Variants in MYH9 observed in about 807,000 individuals in gnomAD.
MYH9 encodes the protein myosin-9.
MYH9 carries 29 observed loss-of-function variants against 241.9 expected under a neutral mutation model. The ratio of observed to expected loss-of-function variants is 0.12; its 90% confidence interval spans 0.09 to 0.16. The LOEUF is 0.16. MYH9 is among the 10% of genes least tolerant of loss of function. The pLI, the probability that MYH9 is intolerant of heterozygous loss-of-function variation, is 1.00. For synonymous variants in MYH9, 1,047 were observed against 1,062.6 expected (o/e 0.99, Z 0.29); for missense variants, 1,803 against 2,595.5 (o/e 0.69, Z 6.63).
intron 2 of MYH9, among the ~76,000 whole-genome samples, chr22:36,343,726 C>T (rs890729166): frequency 2.0e-5 from 3 of 152,102 alleles, no homozygotes; most frequent in African/African-American, 7.2e-5. Context: ...AGTGTAAACA[C>T]GGTATTGGCA....
chr22:36,296,742 A>G, intron 25 of MYH9, 101 bp downstream of exon 25: 1 of 1,338,542 alleles, frequency 7.5e-7, no homozygotes, highest in Non-Finnish European at 9.9e-7. Flanking sequence ...AACAGTGGAA[A>G]GAATGCTCAC....
At chr22:36,319,783 G>A in intron 9 of MYH9, 148 bp from the exon 10 acceptor site, 1 of 811,416 alleles carries the variant, frequency 1.2e-6, no homozygotes, top group South Asian at 1.4e-5. Context: ...CGCCAGGTCT[G>A]CGTCTAACGG....
Position 36,288,273 on chromosome 22 carries a change from G to C in MYH9, c.4911C>G (p.Ile1637Met), listed in dbSNP as rs753280815. The C allele has an allele frequency of 1.9e-6, 3 of 1,613,650 alleles. No individual in the cohort carries two copies. Among genetic ancestry groups the C allele is most frequent in the East Asian group, 2.2e-5 (1 of 44,880 alleles). ...TTACCTGCAGCTTCCGCAGCTGTTT[G>C]ATGGCTTCGTCCCGGTTCTTGTTGG... ...DSANKNRDEA[I>M]KQLRKLQAQM... The change falls in exon 34 of 41, where the codon ATC becomes ATG. Residue 1637 changes from isoleucine to methionine, a missense_variant. Transcript: ENST00000216181. This position sits in a 1 kb window ranked among gnomAD's most constrained non-coding sequence, Gnocchi z 4.8.
At chr22:36,299,169 A>T in intron 23 of MYH9, 127 bp from the exon 24 acceptor site, 2 of 1,305,428 alleles carry the variant, frequency 1.5e-6, no homozygotes, top group Non-Finnish European at 2.2e-6. Flanking sequence ...GATCAAGTTC[A>T]TTAGGATTTT....
chr22:36,386,344 C>T (rs2018350427), intron 1 of MYH9, among the ~76,000 whole-genome samples: 1 of 152,162 alleles, frequency 6.6e-6, no homozygotes, highest in South Asian at 2.1e-4. Context: ...GTCCCCTTCC[C>T]CCACACATAG....
At chr22:36,311,025 G>A (rs763618872) in intron 14 of MYH9, among the ~76,000 whole-genome samples, 24 of 152,136 alleles carry the variant, frequency 1.6e-4, no homozygotes, top group African/African-American at 2.2e-4. Context: ...GCTAGAACCG[G>A]GCCTGGACTC....
chr22:36,326,754 T>C, intron 4 of MYH9, 93 bp from the exon 5 acceptor site: 1 of 1,113,722 alleles, frequency 9.0e-7, no homozygotes, highest in Non-Finnish European at 1.4e-6. Flanking sequence ...CCTCGCATTC[T>C]GTTGGGTGCC....
chr22:36,314,345 G>A, intron 12 of MYH9, 27 bp from the exon 13 acceptor site: 1 of 1,613,338 alleles, frequency 6.2e-7, no homozygotes, highest in Non-Finnish European at 8.5e-7. Flanking sequence ...CAATGTCAGA[G>A]AGACGCCAAC....
At chr22:36,342,287 A>C (rs1326939027) in intron 2 of MYH9, among the ~76,000 whole-genome samples, 1 of 152,192 alleles carries the variant, frequency 6.6e-6, no homozygotes, top group African/African-American at 2.4e-5. Flanking sequence ...CCTGAGTTCA[A>C]ATCTCAGCAA....
chr22:36,299,864 T>G (rs112449254), intron 23 of MYH9, among the ~76,000 whole-genome samples: 4 of 152,212 alleles, frequency 2.6e-5, no homozygotes, highest in African/African-American at 9.6e-5. Flanking sequence ...TTACACAGGC[T>G]CGGGTCTCAC....
chr22:36,322,893 AG>A (rs2017278032), intron 5 of MYH9, among the ~76,000 whole-genome samples: 2 of 152,202 alleles, frequency 1.3e-5, no homozygotes, highest in Non-Finnish European at 2.9e-5. Context: ...TGTATACACC[AG>A]CTTCCCTCTA....
At chr22:36,368,024 T>G (rs1442342747) in intron 1 of MYH9, among the ~76,000 whole-genome samples, 1 of 152,050 alleles carries the variant, frequency 6.6e-6, no homozygotes, top group Non-Finnish European at 1.5e-5. Context: ...CACACATGCC[T>G]GCATACAGAC....
intron 3 of MYH9, among the ~76,000 whole-genome samples, chr22:36,337,316 A>G (rs2017514837): frequency 6.6e-6 from 1 of 152,250 alleles, no homozygotes; most frequent in South Asian, 2.1e-4. Context: ...AGAATCATCC[A>G]GCCTCAAATA....
intron 19 of MYH9, among the ~76,000 whole-genome samples, chr22:36,303,185 G>A (rs938520485): frequency 2.7e-5 from 4 of 150,894 alleles, no homozygotes; most frequent in South Asian, 2.1e-4. Context: ...CTCAAGCTTC[G>A]TCTCCCAGAG....
intron 13 of MYH9, 114 bp from the exon 14 acceptor site, chr22:36,312,336 A>ATT: frequency 9.3e-7 from 1 of 1,071,230 alleles, no homozygotes; most frequent in Non-Finnish European, 1.4e-6. Context: ...ACGGTGGGCG[A>ATT]CACACTCCCC....
rs1261291716 is a variant in MYH9 at position 36,288,909 on chromosome 22, G to A, written c.4588C>T (p.Leu1530=). 1.9e-6 allele frequency: 3 copies of A among 1,614,036 alleles called. No homozygotes were observed. The highest frequency in any genetic ancestry group is 2.5e-6 in the Non-Finnish European group (3 of 1,180,036). The change falls in exon 33 of 41, where the codon CTA becomes TTA. Residue 1530 remains leucine, a synonymous_variant. Transcript: ENST00000216181. This position sits in a 1 kb window ranked among gnomAD's most constrained non-coding sequence, Gnocchi z 4.8. ...VHELEKSKRA[L]EQQVEEMKTQ... ...TTCATCTCCTCCACCTGCTGCTCTA[G>A]GGCCCGCTTGGACTTCTCCAGCTCG...
At position 36,304,525 on chromosome 22, in the gene MYH9, G is replaced by A. The variant is rs376371136; in HGVS notation, c.2230-370C>T. Among the ~76,000 whole-genome samples the A allele has an allele frequency of 2.4e-4, 37 of 152,362 alleles. No individual in the cohort carries two copies. The East Asian group carries it at 5.4e-3, about 22-fold the overall frequency. ...TGCTGGGAAGGGGAAAAAAGGAGCA[G>A]GGTGGGATTCAGCCCTGGCTTGGCA... is the stretch of plus-strand genomic sequence containing the variant. On this transcript the variant is annotated intron_variant, in intron 18 of 40. Coordinates refer to ENST00000216181, the MANE Select transcript of MYH9 (RefSeq NM_002473.6).
chr22:36,322,604 C>T, intron 5 of MYH9, 83 bp from the exon 6 acceptor site: 2 of 1,363,194 alleles, frequency 1.5e-6, no homozygotes, highest in Non-Finnish European at 2.1e-6. Flanking sequence ...GGGACGATGG[C>T]AGAGCCGTGT....
At chr22:36,373,696 C>G (rs2018122263) in intron 1 of MYH9, among the ~76,000 whole-genome samples, 1 of 152,162 alleles carries the variant, frequency 6.6e-6, no homozygotes, top group African/African-American at 2.4e-5. Flanking sequence ...GCATCCTGAC[C>G]AGCGGGCAGT....
Sources: allele counts gnomAD v4.1 joint callset (sites outside exome capture counted in the v4.1 genomes callset), GRCh38; gene constraint gnomAD v4.1.1; non-coding constraint Gnocchi (gnomAD v3.1); transcripts MANE v1.5; gene names NCBI Gene and HGNC (gene_info 2026-07-23, HGNC 2026-07-21).